GNPTG: variants seen among roughly 807,000 people sequenced by gnomAD.
The protein encoded by GNPTG is N-acetylglucosamine-1-phosphotransferase subunit gamma.
Under a neutral mutation model 43.8 loss-of-function variants are expected in GNPTG, and 46 were observed. The observed-to-expected ratio is 1.05, with a 90% CI of 0.83 to 1.34. The LOEUF (loss-of-function observed/expected upper bound fraction) is 1.34, where lower values mean the gene tolerates loss of function less well. GNPTG is among the 40% of genes most tolerant of loss of function. GNPTG has a pLI of 0.00. For missense variants in GNPTG, 549 were observed against 411.3 expected, an observed-to-expected ratio of 1.33 and a Z score of -2.90; for synonymous variants, 250 against 172.8, an observed-to-expected ratio of 1.45 and a Z score of -3.50.
At chr16:1,359,751 G>T (rs1031985053) in intron 3 of GNPTG, among the ~76,000 whole-genome samples, 1 of 152,120 alleles carries the variant, frequency 6.6e-6, no homozygotes, top group Admixed American at 6.6e-5. Flanking sequence ...AACTGTCATT[G>T]GGGTTTTGAT....
chr16:1,352,176 G>A lies in GNPTG; in HGVS notation c.110+17G>A, dbSNP rs761328581. 5 of 1,566,640 alleles carry A rather than the reference G, an allele frequency of 3.2e-6. No homozygotes were observed. Among genetic ancestry groups the A allele is most frequent in the Non-Finnish European group, 4.3e-6 (5 of 1,157,292 alleles). The stretch of plus-strand genomic sequence containing the variant: ...CGCGTTTGGGTGAGCAGCCTCGCGG[G>A]CTGGCGGCTCGAGCGGGGGACGGCC... On this transcript the variant is annotated intron_variant, in intron 2 of 10. Transcript: ENST00000204679.
chr16:1,356,148 G>A (rs1041972129), intron 3 of GNPTG, among the ~76,000 whole-genome samples: 21 of 152,258 alleles, frequency 1.4e-4, no homozygotes, highest in Admixed American at 2.6e-4. Context: ...ACCGAAGCCT[G>A]ACCGGGGCAG....
Position 1,352,174 on chromosome 16 carries a change from G to A in GNPTG, c.110+15G>A, listed in dbSNP as rs773791004. On this transcript the variant is annotated intron_variant, in intron 2 of 10. Transcript: ENST00000204679. ...AACGCGTTTGGGTGAGCAGCCTCGCGGGCTGGCGGCTCGAGCGGGGGACGG... is the reference window on the plus strand; with the variant it reads ...AACGCGTTTGGGTGAGCAGCCTCGCAGGCTGGCGGCTCGAGCGGGGGACGG... The A allele has an allele frequency of 6.4e-7, 1 of 1,568,278 alleles. No homozygotes were observed. The highest frequency in any genetic ancestry group is 1.9e-5 in the Admixed American group (1 of 52,940).
rs1328878665 is a variant in GNPTG, at chr16:1,363,204, CAA to C, written c.*115_*116del. On this transcript the variant is annotated 3_prime_UTR_variant, in exon 11 of 11. Coordinates refer to ENST00000204679, the MANE Select transcript of GNPTG (RefSeq NM_032520.5). ...CTTGTGCTCAGAGAAGCAGACAAAACAAAGATTCAAGGTTTTAATTAATTCCC... is the reference window on the plus strand; with the variant it reads ...CTTGTGCTCAGAGAAGCAGACAAAACAGATTCAAGGTTTTAATTAATTCCC... 3.4e-6 allele frequency: 3 copies of C among 876,402 alleles called. No homozygotes were observed. The highest frequency in any genetic ancestry group is 2.8e-5 in the South Asian group (2 of 70,496). 54.3% of individuals were successfully genotyped at this position (876,402 alleles called of 1,614,324 possible). A position where few individuals can be genotyped will look rare whatever the true frequency, so the allele number is the denominator to read the frequency against.
At chr16:1,360,189 T>C (rs2034845609) in intron 3 of GNPTG, among the ~76,000 whole-genome samples, 1 of 152,200 alleles carries the variant, frequency 6.6e-6, no homozygotes. Context: ...AATTGTGGTG[T>C]CTTGGCACAT....
In GNPTG at chr16:1,363,394, T is replaced by TAAATACTCAAACATAC; in HGVS notation, c.*305_*320dup. 2.5e-6 allele frequency: 1 copy of TAAATACTCAAACATAC among 400,724 alleles called. No homozygotes were observed. The highest frequency in any genetic ancestry group is 4.7e-6 in the Non-Finnish European group (1 of 211,968). The allele number at this position is 400,724 out of a possible 1,614,324, so 24.8% of individuals were successfully genotyped here. On this transcript the variant is annotated 3_prime_UTR_variant, in exon 11 of 11. Coordinates refer to ENST00000204679, the MANE Select transcript of GNPTG (RefSeq NM_032520.5). ...ATTCCATTCAAATAACATTCTCATG[T>TAAATACTCAAACATAC]AAATACTCAAACATACAGATTGAGG...
intron 2 of GNPTG, 24 bp downstream of exon 2, chr16:1,352,183 G>T: frequency 6.4e-7 from 1 of 1,560,030 alleles, no homozygotes; most frequent in Non-Finnish European, 8.7e-7. Context: ...CGGGCTGGCG[G>T]CTCGAGCGGG....
chr16:1,362,950 G>C (rs761136719), intron 10 of GNPTG, 44 bp downstream of exon 10: 34 of 1,612,650 alleles, frequency 2.1e-5, no homozygotes, highest in Non-Finnish European at 2.8e-5. Flanking sequence ...CATCACACTC[G>C]CCACCTGTGG....
rs764053747 is a variant in GNPTG, at chr16:1,362,293, C to G, written c.499C>G (p.Leu167Val). The G allele has an allele frequency of 6.2e-7, 1 of 1,613,290 alleles. No individual in the cohort carries two copies. Among genetic ancestry groups the G allele is most frequent in the Non-Finnish European group, 8.5e-7 (1 of 1,179,964 alleles). The change falls in exon 7 of 11, where the codon CTC becomes GTC. Residue 167 changes from leucine (L) to valine (V), a missense_variant. By Grantham distance (32) the Leu-to-Val change is conservative. Coordinates refer to ENST00000204679, the MANE Select transcript of GNPTG (RefSeq NM_032520.5). The part of the protein sequence containing the change: ...CVYALTFETP[L>V]VCHPHALLVY... Reference sequence around the variant, plus strand: ...CTACGCGCTGACGTTCGAGACCCCCCTCGTCTGCCACCCCCACGCCTTGCT... The same window carrying G: ...CTACGCGCTGACGTTCGAGACCCCCGTCGTCTGCCACCCCCACGCCTTGCT...
At chr16:1,354,150 G>A (rs1366632323) in intron 3 of GNPTG, among the ~76,000 whole-genome samples, 1 of 151,354 alleles carries the variant, frequency 6.6e-6, no homozygotes. Flanking sequence ...TGCTGGAGTC[G>A]GGCCACCACC....
intron 3 of GNPTG, among the ~76,000 whole-genome samples, chr16:1,354,946 C>T (rs2034749044): frequency 1.3e-5 from 2 of 149,500 alleles, no homozygotes; most frequent in Admixed American, 1.3e-4. Context: ...GGGGTGGGGC[C>T]GGGCGTGGAA....
chr16:1,359,274 GT>G (rs200625180), intron 3 of GNPTG, among the ~76,000 whole-genome samples: 2 of 150,810 alleles, frequency 1.3e-5, no homozygotes, highest in South Asian at 4.2e-4. Context: ...TGATGGGTTT[GT>G]TTTTTTTTCC....
chr16:1,356,722 G>T (rs1567181315), intron 3 of GNPTG, among the ~76,000 whole-genome samples: 1 of 152,230 alleles, frequency 6.6e-6, no homozygotes, highest in African/African-American at 2.4e-5. Context: ...TTAGACGGAT[G>T]GCCCTGCAGG....
rs766619396 is a variant in GNPTG at position 1,361,750 on chromosome 16, G to T, written c.186G>T (p.Val62=). Residue 62 remains valine, a synonymous_variant, in exon 4 of 11, where the codon GTG becomes GTT. Coordinates refer to ENST00000204679, the MANE Select transcript of GNPTG (RefSeq NM_032520.5). ...KRDPSPVSGP[V]HLFRLSGKCF... is the part of the protein sequence containing the mutation. ...GTGTGAGGTCTCTTCCAGGACCCGTGCATCTCTTCCGACTCTCGGGCAAGT... is the reference window on the plus strand; with the variant it reads ...GTGTGAGGTCTCTTCCAGGACCCGTTCATCTCTTCCGACTCTCGGGCAAGT... 1.9e-6 allele frequency: 3 copies of T among 1,614,054 alleles called. No individual in the cohort carries two copies. The African/African-American group carries it at 4.0e-5, about 22-fold the overall frequency.
At chr16:1,352,746 C>T (rs144378310) in intron 3 of GNPTG, among the ~76,000 whole-genome samples, 3 of 151,922 alleles carry the variant, frequency 2.0e-5, no homozygotes, top group South Asian at 2.1e-4. Flanking sequence ...GCTCAGCACG[C>T]GATAGGATGG....
intron 3 of GNPTG, among the ~76,000 whole-genome samples, chr16:1,360,269 C>T (rs2034847020): frequency 6.6e-6 from 1 of 152,188 alleles, no homozygotes; most frequent in Admixed American, 6.5e-5. Context: ...TCTCTTTTGC[C>T]TGTTTATATG....
chr16:1,360,332 T>A lies in GNPTG; in HGVS notation c.179-1411T>A, dbSNP rs1039383982. Among the ~76,000 whole-genome samples, 14 of 152,292 alleles carry A rather than the reference T, an allele frequency of 9.2e-5. No individual in the cohort carries two copies. The East Asian group carries it at 2.3e-3, about 25-fold the overall frequency. Reference sequence around the variant, plus strand: ...CCTGTTTATGTCTTTAAATCTGAAGTTAGTCTTTCAGGCCGGGCATAGTGG... The same window carrying A: ...CCTGTTTATGTCTTTAAATCTGAAGATAGTCTTTCAGGCCGGGCATAGTGG... On this transcript the variant is annotated intron_variant, in intron 3 of 10. Transcript: ENST00000204679.
rs376327160 is a variant in GNPTG, at chr16:1,361,867, C to T, written c.234-5C>T. On this transcript the variant is annotated splice_polypyrimidine_tract_variant and splice_region_variant and intron_variant, in intron 4 of 10. Coordinates refer to ENST00000204679, the MANE Select transcript of GNPTG (RefSeq NM_032520.5). ...GGACCCCCCTCATGCCATCTGTGTC[C>T]CCAGGTACAAGTATGAGTTCTGCCC... is the stretch of plus-strand genomic sequence containing the variant. 6.2e-7 allele frequency: 1 copy of T among 1,613,934 alleles called. No individual in the cohort carries two copies. The highest frequency in any genetic ancestry group is 2.2e-5 in the East Asian group (1 of 44,876).
rs554707396 is a variant in GNPTG at position 1,351,962 on chromosome 16, C to T, written c.-4C>T. 20 of 1,297,716 alleles carry T rather than the reference C, an allele frequency of 1.5e-5. No individual in the cohort carries two copies. The South Asian group carries it at 3.2e-4, about 21-fold the overall frequency. The allele number at this position is 1,297,716 out of a possible 1,614,324, so 80.4% of individuals were successfully genotyped here. On this transcript the variant is annotated 5_prime_UTR_variant, in exon 1 of 11. Coordinates refer to ENST00000204679, the MANE Select transcript of GNPTG (RefSeq NM_032520.5). The stretch of plus-strand genomic sequence containing the variant: ...CGTGACCGCGCGGCGGCCGCTGCGG[C>T]GCGATGGCGGCGGGGCTGGCGCGGC...
Sources: gnomAD v4.1 joint callset for allele counts (sites outside exome capture counted in the v4.1 genomes callset) on GRCh38, gnomAD v4.1.1 for gene constraint, MANE v1.5 for transcripts, NCBI Gene and HGNC (gene_info 2026-07-23, HGNC 2026-07-21) for gene names.